The following GSTCD variants were observed in gnomAD, a reference collection of about 807,000 sequenced individuals.
The protein encoded by GSTCD is glutathione S-transferase C-terminal domain-containing protein.
In GSTCD, 44 loss-of-function variants were observed where a neutral mutation model predicts 68.3. The observed-to-expected ratio is 0.64, with a 90% CI of 0.51 to 0.83. The LOEUF (loss-of-function observed/expected upper bound fraction) is 0.83. Ranked by LOEUF, GSTCD falls within the 40% of genes least tolerant of loss-of-function variation. The probability of loss-of-function intolerance (pLI) is 0.00; values close to 1 mark genes in which losing one functional copy is unlikely to be tolerated. For synonymous variants in GSTCD, 273 were observed against 255.2 expected, an observed-to-expected ratio of 1.07 and a Z score of -0.67; for missense variants, 739 against 735.9, an observed-to-expected ratio of 1.00 and a Z score of -0.05.
At chr4:105,750,866 C>A (rs887897165) in intron 5 of GSTCD, among the ~76,000 whole-genome samples, 1 of 152,052 alleles carries the variant, frequency 6.6e-6, no homozygotes, top group Non-Finnish European at 1.5e-5. Context: ...GGGCATTGTG[C>A]TTAATGAAAA....
chr4:105,847,544 T>C lies in GSTCD; in HGVS notation c.*1967T>C, dbSNP rs1055672920. On this transcript the variant is annotated 3_prime_UTR_variant, in exon 12 of 12. Transcript: ENST00000515279. ...ATGTAACCATCACTGGAATCAGATATAGAATATTCCCCTTAAATATTGTCA... is the reference window on the plus strand; with the variant it reads ...ATGTAACCATCACTGGAATCAGATACAGAATATTCCCCTTAAATATTGTCA... 4 of 152,188 alleles carry C rather than the reference T, an allele frequency of 2.6e-5. No homozygotes were observed. Among genetic ancestry groups the C allele is most frequent in the African/African-American group, 9.7e-5 (4 of 41,450 alleles). 9.4% of individuals were successfully genotyped at this position (152,188 alleles called of 1,614,324 possible). A position where few individuals can be genotyped will look rare whatever the true frequency, so the allele number is the denominator to read the frequency against.
At chr4:105,747,276 G>A (rs1403798217) in intron 5 of GSTCD, among the ~76,000 whole-genome samples, 1 of 152,266 alleles carries the variant, frequency 6.6e-6, no homozygotes, top group African/African-American at 2.4e-5. Flanking sequence ...GGCAGGACAT[G>A]CAGATGCTGC....
intron 1 of GSTCD, among the ~76,000 whole-genome samples, chr4:105,710,377 C>T (rs2149199816): frequency 6.8e-6 from 1 of 148,086 alleles, no homozygotes; most frequent in African/African-American, 2.5e-5. Context: ...CCCACAATCA[C>T]ACTCGGCTCC....
intron 5 of GSTCD, among the ~76,000 whole-genome samples, chr4:105,796,382 T>G (rs11728918): frequency 0.054 from 8,174 of 152,278 alleles, 254 homozygotes; most frequent in Middle Eastern, 0.14. Context: ...AAGATGAGAT[T>G]TGGGTGGGGA....
intron 5 of GSTCD, among the ~76,000 whole-genome samples, chr4:105,759,020 G>A (rs1394034978): frequency 6.6e-6 from 1 of 152,136 alleles, no homozygotes; most frequent in Non-Finnish European, 1.5e-5. Context: ...TTTGCTGAAG[G>A]TATTTCTGCA....
chr4:105,728,749 T>G (rs1393928708), intron 4 of GSTCD, among the ~76,000 whole-genome samples: 1 of 151,418 alleles, frequency 6.6e-6, no homozygotes, highest in East Asian at 1.9e-4. Context: ...GGAAGGGGTC[T>G]GTGAATCCAT....
At chr4:105,713,207 T>C (rs1371565723) in intron 1 of GSTCD, among the ~76,000 whole-genome samples, 1 of 152,168 alleles carries the variant, frequency 6.6e-6, no homozygotes, top group Non-Finnish European at 1.5e-5. Context: ...TGCTCAAAAG[T>C]TTGAAAGCCA....
At chr4:105,721,450 A>G (rs533375311) in intron 3 of GSTCD, among the ~76,000 whole-genome samples, 2 of 152,304 alleles carry the variant, frequency 1.3e-5, no homozygotes, top group East Asian at 3.9e-4. Context: ...TACCAGAAAC[A>G]TAAAACTGAA....
intron 9 of GSTCD, 94 bp downstream of exon 9, chr4:105,834,688 G>T: frequency 9.1e-7 from 1 of 1,102,506 alleles, no homozygotes; most frequent in African/African-American, 1.6e-5. Flanking sequence ...CTTAATTTTT[G>T]GCTCATTTCT....
chr4:105,746,043 G>A (rs1009869742), intron 5 of GSTCD, among the ~76,000 whole-genome samples: 1 of 152,026 alleles, frequency 6.6e-6, no homozygotes, highest in Admixed American at 6.6e-5. Context: ...GAGTACAATT[G>A]ACCCTTGAAT....
intron 2 of GSTCD, among the ~76,000 whole-genome samples, chr4:105,718,544 A>T (rs1298683262): frequency 6.6e-6 from 1 of 152,188 alleles, no homozygotes; most frequent in Non-Finnish European, 1.5e-5. Flanking sequence ...TCTTTCCTTT[A>T]TAAATTACTC....
At chr4:105,728,678 G>C (rs370629387) in intron 4 of GSTCD, among the ~76,000 whole-genome samples, 1 of 51,320 alleles carries the variant, frequency 1.9e-5, no homozygotes, top group East Asian at 4.5e-4. Flanking sequence ...TCTAGATATA[G>C]ATATATAGAT....
At chr4:105,746,657 T>C (rs1733813778) in intron 5 of GSTCD, among the ~76,000 whole-genome samples, 1 of 152,198 alleles carries the variant, frequency 6.6e-6, no homozygotes, top group African/African-American at 2.4e-5. Context: ...GATTATCCTC[T>C]TAGTAGCAAG....
intron 8 of GSTCD, among the ~76,000 whole-genome samples, chr4:105,827,896 T>C (rs1393031278): frequency 6.6e-6 from 1 of 152,124 alleles, no homozygotes; most frequent in Non-Finnish European, 1.5e-5. Flanking sequence ...TCTTTTTAAA[T>C]TATTAAATTT....
chr4:105,749,423 C>A (rs1390502577), intron 5 of GSTCD, among the ~76,000 whole-genome samples: 5 of 151,626 alleles, frequency 3.3e-5, no homozygotes, highest in African/African-American at 1.2e-4. Flanking sequence ...GCAACAGAAT[C>A]ACTCTAGTGA....
At chr4:105,776,977 C>A (rs1735091988) in intron 5 of GSTCD, among the ~76,000 whole-genome samples, 1 of 152,080 alleles carries the variant, frequency 6.6e-6, no homozygotes, top group African/African-American at 2.4e-5. Flanking sequence ...CTGTATCTGT[C>A]CAACTCAATC....
intron 8 of GSTCD, among the ~76,000 whole-genome samples, chr4:105,829,697 CTACAAT>C: frequency 6.6e-6 from 1 of 152,110 alleles, no homozygotes; most frequent in South Asian, 2.1e-4. Context: ...AATATGGGAG[CTACAAT>C]TCAAGATGAG....
chr4:105,738,183 A>G (rs1189542002), intron 5 of GSTCD, among the ~76,000 whole-genome samples: 1 of 152,232 alleles, frequency 6.6e-6, no homozygotes, highest in African/African-American at 2.4e-5. Flanking sequence ...CTTTATAGCA[A>G]TATACAAATG....
At chr4:105,739,104 T>C (rs1294078879) in intron 5 of GSTCD, among the ~76,000 whole-genome samples, 1 of 152,248 alleles carries the variant, frequency 6.6e-6, no homozygotes, top group African/African-American at 2.4e-5. Context: ...ACATAAGTTT[T>C]GTCCCTCATT....
Sources: allele counts gnomAD v4.1 joint callset (sites outside exome capture counted in the v4.1 genomes callset), GRCh38; gene constraint gnomAD v4.1.1; transcripts MANE v1.5; gene names NCBI Gene and HGNC (gene_info 2026-07-23, HGNC 2026-07-21).